The following TMCO5A variants were observed in gnomAD, a reference collection of about 807,000 sequenced individuals.
TMCO5A encodes the protein transmembrane and coiled-coil domains 5A.
TMCO5A carries 34 observed loss-of-function variants against 42.3 expected under a neutral mutation model. That is an observed-to-expected ratio of 0.80 (90% CI 0.61 to 1.07). The LOEUF is 1.07. Ranked by LOEUF, TMCO5A falls within the 50% of genes least tolerant of loss-of-function variation. The pLI, the probability that TMCO5A is intolerant of heterozygous loss-of-function variation, is 0.00. For synonymous variants in TMCO5A, 131 were observed against 115.6 expected (o/e 1.13, Z -0.86); for missense variants, 357 against 327.9 (o/e 1.09, Z -0.69).
chr15:37,966,329 G>T (rs943155386), intron 11 of TMCO5A, among the ~76,000 whole-genome samples: 1 of 151,512 alleles, frequency 6.6e-6, no homozygotes, highest in Admixed American at 6.6e-5. Flanking sequence ...AGCAAAACAG[G>T]GTGACTATCA....
At chr15:37,953,296 A>G (rs1890206360), downstream of TMCO5A, among the ~76,000 whole-genome samples, 1 of 152,208 alleles carries the variant, frequency 6.6e-6, no homozygotes, top group Admixed American at 6.5e-5. Flanking sequence ...CTAACGGTTC[A>G]GCACAGTCCT....
chr15:37,979,109 T>C, the TMCO5A span, among the ~76,000 whole-genome samples: 6 of 151,940 alleles, frequency 3.9e-5, no homozygotes, highest in African/African-American at 1.5e-4. Context: ...CTGGGGATTA[T>C]AATTTAACAT....
At chr15:37,972,745 A>C in the TMCO5A span, among the ~76,000 whole-genome samples, 4 of 152,080 alleles carry the variant, frequency 2.6e-5, no homozygotes, top group Non-Finnish European at 4.4e-5. Context: ...TACTCTGTTG[A>C]TAATTTCTTT....
At chr15:37,980,552 G>C in the TMCO5A span, among the ~76,000 whole-genome samples, 1 of 143,280 alleles carries the variant, frequency 7.0e-6, no homozygotes, top group Admixed American at 7.6e-5. Flanking sequence ...CAGTTGAAGA[G>C]CTAATGTTTA....
At chr15:37,947,455 T>C (rs957926681) in intron 10 of TMCO5A, among the ~76,000 whole-genome samples, 1 of 151,978 alleles carries the variant, frequency 6.6e-6, no homozygotes, top group South Asian at 2.1e-4. Context: ...GTCATATAAA[T>C]ATGTAAAAAG....
chr15:37,983,401 A>T, the TMCO5A span, among the ~76,000 whole-genome samples: 1 of 152,184 alleles, frequency 6.6e-6, no homozygotes, highest in African/African-American at 2.4e-5. Flanking sequence ...TCTGGCCCCA[A>T]AGCTTGGCCT....
chr15:37,936,956 G>A lies in TMCO5A; in HGVS notation c.250G>A (p.Glu84Lys). Residue 84 changes from glutamate to lysine, a missense_variant, in exon 4 of 12, where the codon GAA becomes AAA. By Grantham distance (56) the Glu-to-Lys change is moderately conservative (BLOSUM62 1). Transcript: ENST00000319669. ...RERALQELEEETARLERKNKT... is the reference protein window; with the variant it reads ...RERALQELEEKTARLERKNKT... ...AAGAGCCTTGCAGGAGCTGGAGGAA[G>A]AAACAGCCAGACTTGTAAGCAAGAA... The A allele has an allele frequency of 1.2e-6, 2 of 1,612,306 alleles. No individual in the cohort carries two copies. Among genetic ancestry groups the A allele is most frequent in the Non-Finnish European group, 1.7e-6 (2 of 1,178,950 alleles).
At chr15:38,039,024 A>C in the TMCO5A span, among the ~76,000 whole-genome samples, 1 of 152,376 alleles carries the variant, frequency 6.6e-6, no homozygotes, top group Admixed American at 6.5e-5. Context: ...CAGGAATTAA[A>C]TGTAACAAGA....
At chr15:37,965,528 C>T (rs1306559931) in intron 11 of TMCO5A, among the ~76,000 whole-genome samples, 1 of 152,000 alleles carries the variant, frequency 6.6e-6, no homozygotes, top group Non-Finnish European at 1.5e-5. Context: ...GGATTAATAA[C>T]CAGGGTATAT....
intron 10 of TMCO5A, among the ~76,000 whole-genome samples, chr15:37,945,243 A>G (rs1477723415): frequency 1.3e-5 from 2 of 152,082 alleles, no homozygotes; most frequent in African/African-American, 2.4e-5. Context: ...TCCATGATGT[A>G]TATATATCAC....
At chr15:37,972,345 G>A (rs1231961931), downstream of TMCO5A, among the ~76,000 whole-genome samples, 1 of 152,148 alleles carries the variant, frequency 6.6e-6, no homozygotes, top group East Asian at 1.9e-4. Context: ...CAACCCGTGG[G>A]AATTCAAGAT....
At chr15:37,969,987 C>T (rs1890644962), downstream of TMCO5A, among the ~76,000 whole-genome samples, 1 of 152,116 alleles carries the variant, frequency 6.6e-6, no homozygotes, top group African/African-American at 2.4e-5. Context: ...TGAGTATATG[C>T]ATGTATGTGT....
At chr15:37,949,413 C>G (rs12324362) in intron 11 of TMCO5A, among the ~76,000 whole-genome samples, 6,582 of 152,012 alleles carry the variant, frequency 0.043, 414 homozygotes, top group African/African-American at 0.14. Context: ...TTAAAGAGCA[C>G]GGAGTGGGGA....
the TMCO5A span, among the ~76,000 whole-genome samples, chr15:38,017,588 A>G: frequency 6.6e-6 from 1 of 152,196 alleles, no homozygotes; most frequent in Admixed American, 6.5e-5. Context: ...CTTCATCATA[A>G]GAAGTTCCTG....
At chr15:37,989,291 A>T in the TMCO5A span, among the ~76,000 whole-genome samples, 1 of 151,864 alleles carries the variant, frequency 6.6e-6, no homozygotes, top group Admixed American at 6.6e-5. Flanking sequence ...TTTCTCTATT[A>T]TTAAACAAAA....
At chr15:37,997,915 C>T in the TMCO5A span, among the ~76,000 whole-genome samples, 1 of 152,080 alleles carries the variant, frequency 6.6e-6, no homozygotes, top group East Asian at 1.9e-4. Flanking sequence ...GATTATATTT[C>T]ATCGTAATTT....
chr15:37,972,806 G>A, the TMCO5A span, among the ~76,000 whole-genome samples: 2 of 151,950 alleles, frequency 1.3e-5, no homozygotes, highest in Admixed American at 1.3e-4. Context: ...ACAATTTTTG[G>A]GTTTTGTTGC....
chr15:37,982,005 CA>C, the TMCO5A span, among the ~76,000 whole-genome samples: 6 of 152,176 alleles, frequency 3.9e-5, no homozygotes, highest in Admixed American at 2.0e-4. Flanking sequence ...TATTCCATGA[CA>C]CTTGCAAGAT....
the TMCO5A span, among the ~76,000 whole-genome samples, chr15:38,038,496 C>T: frequency 1.3e-5 from 2 of 151,758 alleles, no homozygotes; most frequent in East Asian, 3.9e-4. Context: ...ACCTCTGCCT[C>T]CCGGGTTCAT....
Sources: gnomAD v4.1 joint callset for allele counts (sites outside exome capture counted in the v4.1 genomes callset) on GRCh38, gnomAD v4.1.1 for gene constraint, MANE v1.5 for transcripts, NCBI Gene and HGNC (gene_info 2026-07-23, HGNC 2026-07-21) for gene names.